The following DNAH11 variants were observed in gnomAD, a reference collection of about 807,000 sequenced individuals.
DNAH11 encodes the protein axonemal beta dynein heavy chain 11.
In DNAH11, 442 loss-of-function variants were observed where a neutral mutation model predicts 526.0. The ratio of observed to expected loss-of-function variants is 0.84; its 90% CI spans 0.78 to 0.91. The LOEUF is 0.91. DNAH11 is among the 40% of genes least tolerant of loss of function. The probability of loss-of-function intolerance (pLI) is 0.00; values close to 1 mark genes in which losing one functional copy is unlikely to be tolerated. For missense variants in DNAH11, 6,989 were observed against 5,448.7 expected, an observed-to-expected ratio of 1.28 and a Z score of -8.90; for synonymous variants, 2,461 against 1,935.9, an observed-to-expected ratio of 1.27 and a Z score of -7.12.
At chr7:21,676,653 G>A (rs1468311256) in intron 30 of DNAH11, among the ~76,000 whole-genome samples, 1 of 152,164 alleles carries the variant, frequency 6.6e-6, no homozygotes. Context: ...AATCAATAAT[G>A]CAGAAATCAC....
intron 28 of DNAH11, among the ~76,000 whole-genome samples, chr7:21,641,292 G>A (rs1787118920): frequency 6.6e-6 from 1 of 152,120 alleles, no homozygotes. Flanking sequence ...AAAAAAGGCG[G>A]GGGAGATGCC....
chr7:21,569,468 T>A (rs1176109395), intron 6 of DNAH11, among the ~76,000 whole-genome samples: 2 of 152,192 alleles, frequency 1.3e-5, no homozygotes, highest in Non-Finnish European at 2.9e-5. Context: ...GATCTTCCAG[T>A]CTTTTCTTTT....
At chr7:21,607,546 G>T (rs1785341947) in intron 20 of DNAH11, among the ~76,000 whole-genome samples, 1 of 152,118 alleles carries the variant, frequency 6.6e-6, no homozygotes, top group Admixed American at 6.6e-5. Context: ...TATATGTCAA[G>T]AATTTTGTTA....
rs764805694 is a variant in DNAH11, at chr7:21,589,425, A to G, written c.2169+22A>G. On this transcript the variant is annotated intron_variant, in intron 12 of 81. Transcript: ENST00000409508. ...AAAGGTAGGGATTTGATTTTTTAAG[A>G]TGATTTATAAGTGCCCTTTTTATTA... The G allele has an allele frequency of 1.9e-5, 30 of 1,572,906 alleles. No individual in the cohort carries two copies. In the Admixed American group the frequency reaches 5.0e-4, roughly 26 times the overall value.
intron 54 of DNAH11, 125 bp from the exon 55 acceptor site, chr7:21,765,303 A>G: frequency 4.3e-6 from 6 of 1,387,174 alleles, no homozygotes; most frequent in Non-Finnish European, 6.0e-6. Flanking sequence ...TCCACTCTCT[A>G]GGGCTTTAGG....
chr7:21,839,406 C>G (rs1782118440), intron 65 of DNAH11, among the ~76,000 whole-genome samples: 1 of 151,918 alleles, frequency 6.6e-6, no homozygotes, highest in Non-Finnish European at 1.5e-5. Flanking sequence ...AACCCTGTCT[C>G]TACTAAAAAA....
intron 66 of DNAH11, among the ~76,000 whole-genome samples, chr7:21,849,657 T>G (rs1456597220): frequency 6.6e-6 from 1 of 152,240 alleles, no homozygotes; most frequent in Non-Finnish European, 1.5e-5. Context: ...TTTTGCATAG[T>G]TTCTCAAGAG....
intron 14 of DNAH11, among the ~76,000 whole-genome samples, chr7:21,596,693 G>A (rs1784874769): frequency 6.6e-6 from 1 of 152,172 alleles, no homozygotes; most frequent in Admixed American, 6.5e-5. Context: ...GAAATCATCA[G>A]AAAACAAGGT....
intron 55 of DNAH11, among the ~76,000 whole-genome samples, chr7:21,771,067 C>G (rs1787415254): frequency 6.6e-6 from 1 of 152,148 alleles, no homozygotes; most frequent in South Asian, 2.1e-4. Context: ...AAATTTAACA[C>G]AGAAATAATT....
At chr7:21,560,117 T>C (rs935178845) in intron 4 of DNAH11, among the ~76,000 whole-genome samples, 1 of 152,154 alleles carries the variant, frequency 6.6e-6, no homozygotes, top group African/African-American at 2.4e-5. Flanking sequence ...GAGGTCTTGC[T>C]TGGTAGAGAG....
intron 25 of DNAH11, 72 bp from the exon 26 acceptor site, chr7:21,635,799 T>A: frequency 8.1e-7 from 1 of 1,239,834 alleles, no homozygotes; most frequent in South Asian, 1.5e-5. Flanking sequence ...AGAGTAGATA[T>A]AGTGCCTCCC....
At chr7:21,739,696 C>T (rs1785788898) in intron 48 of DNAH11, 23 bp downstream of exon 48, 7 of 1,566,124 alleles carry the variant, frequency 4.5e-6, no homozygotes, top group Non-Finnish European at 6.1e-6. Context: ...ATACTGCTCT[C>T]AAAAACTGTA....
At chr7:21,649,243 A>G (rs577728547) in intron 28 of DNAH11, among the ~76,000 whole-genome samples, 1 of 152,232 alleles carries the variant, frequency 6.6e-6, no homozygotes, top group African/African-American at 2.4e-5. Flanking sequence ...AGCATTTTCT[A>G]AATAGGAATA....
intron 46 of DNAH11, among the ~76,000 whole-genome samples, chr7:21,736,994 T>C (rs1373363882): frequency 6.6e-6 from 1 of 152,216 alleles, no homozygotes; most frequent in African/African-American, 2.4e-5. Context: ...AAATTACCTA[T>C]GATGTGAGTG....
intron 28 of DNAH11, among the ~76,000 whole-genome samples, chr7:21,643,804 C>T (rs1222276009): frequency 6.6e-6 from 1 of 152,044 alleles, no homozygotes; most frequent in Admixed American, 6.6e-5. Context: ...AGACTTGCTG[C>T]AAATAAAATA....
chr7:21,747,192 A>T lies in DNAH11; in HGVS notation c.8511-1388A>T, dbSNP rs73275667. Among the ~76,000 whole-genome samples, 455 of 152,348 alleles carry T rather than the reference A, an allele frequency of 3.0e-3. 2 individuals are homozygous for T. Among genetic ancestry groups the T allele is most frequent in the African/African-American group, 9.3e-3 (388 of 41,582 alleles). On this transcript the variant is annotated intron_variant, in intron 51 of 81. Coordinates refer to ENST00000409508, the MANE Select transcript of DNAH11 (RefSeq NM_001277115.2). ...TAGCTTGGGGTATCTCTCATGTCAG[A>T]GTAATTTTATAGCTTTCCCCAAGGT...
chr7:21,827,404 C>A (rs1240158149), intron 65 of DNAH11, among the ~76,000 whole-genome samples: 1 of 151,480 alleles, frequency 6.6e-6, no homozygotes, highest in African/African-American at 2.4e-5. Flanking sequence ...TTCAAATACC[C>A]CTAAATATTT....
intron 54 of DNAH11, 28 bp from the exon 55 acceptor site, chr7:21,765,400 T>A (rs991694180): frequency 6.2e-7 from 1 of 1,613,214 alleles, no homozygotes; most frequent in Non-Finnish European, 8.5e-7. Flanking sequence ...CACCCGCCTG[T>A]TTCTGCCTTG....
intron 39 of DNAH11, among the ~76,000 whole-genome samples, chr7:21,706,968 A>G (rs974155229): frequency 7.9e-5 from 12 of 152,238 alleles, no homozygotes; most frequent in Admixed American, 7.2e-4. Flanking sequence ...CTTTTCCTCA[A>G]TTACCAGGAT....
Sources: allele counts gnomAD v4.1 joint callset (sites outside exome capture counted in the v4.1 genomes callset), GRCh38; gene constraint gnomAD v4.1.1; transcripts MANE v1.5; gene names NCBI Gene and HGNC (gene_info 2026-07-23, HGNC 2026-07-21).